Variants in EXOC6 observed in about 807,000 individuals in gnomAD.
EXOC6 encodes SEC15-like 1.
EXOC6 carries 60 observed loss-of-function variants against 112.5 expected under a neutral mutation model. The ratio of observed to expected loss-of-function variants is 0.53; its 90% CI spans 0.43 to 0.66. The LOEUF (loss-of-function observed/expected upper bound fraction) is 0.66, where lower values mean the gene tolerates loss of function less well. EXOC6 is among the 30% of genes least tolerant of loss of function. The pLI is 0.00. For missense variants in EXOC6, 855 were observed against 957.1 expected, an observed-to-expected ratio of 0.89 and a Z score of 1.41; for synonymous variants, 295 against 308.0, an observed-to-expected ratio of 0.96 and a Z score of 0.44.
chr10:92,865,019 T>C (rs1848110058), intron 1 of EXOC6, among the ~76,000 whole-genome samples: 2 of 152,234 alleles, frequency 1.3e-5, no homozygotes, highest in African/African-American at 4.8e-5. Flanking sequence ...TCATCATTGC[T>C]GTTTTCACAT....
At chr10:92,977,410 C>G (rs1842667631) in intron 18 of EXOC6, among the ~76,000 whole-genome samples, 1 of 152,062 alleles carries the variant, frequency 6.6e-6, no homozygotes, top group African/African-American at 2.4e-5. Context: ...CATCATGGAT[C>G]TGGGCCAGAG....
intron 20 of EXOC6, among the ~76,000 whole-genome samples, chr10:93,038,079 A>G (rs1164427808): frequency 1.3e-5 from 2 of 149,082 alleles, no homozygotes; most frequent in Non-Finnish European, 3.0e-5. Context: ...TTTCTCTAAT[A>G]AATTTTTTTT....
At chr10:92,831,627 G>A (rs1467350600), upstream of EXOC6, among the ~76,000 whole-genome samples, 3 of 151,892 alleles carry the variant, frequency 2.0e-5, no homozygotes, top group Non-Finnish European at 4.4e-5. Context: ...TAGAGATGGG[G>A]TTTCACCATG....
At chr10:92,830,662 C>A (rs930297627), upstream of EXOC6, among the ~76,000 whole-genome samples, 6 of 152,124 alleles carry the variant, frequency 3.9e-5, no homozygotes, top group African/African-American at 1.4e-4. Flanking sequence ...GTAGCACCAC[C>A]CACCTCCCAC....
At chr10:92,912,533 T>A (rs1216122945) in intron 6 of EXOC6, among the ~76,000 whole-genome samples, 1 of 152,156 alleles carries the variant, frequency 6.6e-6, no homozygotes, top group East Asian at 1.9e-4. Flanking sequence ...GATGGTCACA[T>A]GGGGATGAAG....
At position 92,982,163 on chromosome 10, in the gene EXOC6, G is replaced by C. The variant is rs560433372; in HGVS notation, c.1953+7931G>C. Among the ~76,000 whole-genome samples the C allele has an allele frequency of 5.9e-5, 9 of 152,188 alleles. No homozygotes were observed. The East Asian group carries it at 1.5e-3, about 26-fold the overall frequency. On this transcript the variant is annotated intron_variant, in intron 18 of 21. Transcript: ENST00000260762. ...CAGACATGATCTTTAGTAATAATATGAATTTACTGTTGGCATATGGTTCTC... is the reference window on the plus strand; with the variant it reads ...CAGACATGATCTTTAGTAATAATATCAATTTACTGTTGGCATATGGTTCTC...
At chr10:92,848,273 G>A (rs1411163802), upstream of EXOC6, among the ~76,000 whole-genome samples, 2 of 152,150 alleles carry the variant, frequency 1.3e-5, no homozygotes, top group Non-Finnish European at 2.9e-5. Flanking sequence ...CGCCCAGGAG[G>A]GACTAGTCGC....
At chr10:92,917,784 TCTCA>T (rs772057666) in intron 7 of EXOC6, among the ~76,000 whole-genome samples, 2 of 152,158 alleles carry the variant, frequency 1.3e-5, no homozygotes, top group Non-Finnish European at 2.9e-5. Flanking sequence ...CAAATTATCC[TCTCA>T]CTCAGCCTTC....
At chr10:93,008,751 G>A (rs1844109431) in intron 19 of EXOC6, among the ~76,000 whole-genome samples, 1 of 152,274 alleles carries the variant, frequency 6.6e-6, no homozygotes, top group Non-Finnish European at 1.5e-5. Context: ...CAGGTATGGT[G>A]TATGTAACTA....
intron 9 of EXOC6, among the ~76,000 whole-genome samples, chr10:92,932,188 T>G (rs1852076205): frequency 1.3e-5 from 2 of 152,256 alleles, no homozygotes; most frequent in South Asian, 4.1e-4. Flanking sequence ...TGAAAAAAAT[T>G]CATATGCAGT....
At chr10:93,032,581 A>G (rs1218267315) in intron 20 of EXOC6, among the ~76,000 whole-genome samples, 1 of 152,184 alleles carries the variant, frequency 6.6e-6, no homozygotes, top group African/African-American at 2.4e-5. Context: ...CAGATCACCA[A>G]GAGCTGCCGT....
chr10:92,861,598 T>C (rs1484204358), intron 1 of EXOC6, among the ~76,000 whole-genome samples: 1 of 152,076 alleles, frequency 6.6e-6, no homozygotes, highest in African/African-American at 2.4e-5. Flanking sequence ...GCCTGTCCTT[T>C]CTTTGGCTCT....
intron 18 of EXOC6, among the ~76,000 whole-genome samples, chr10:92,995,288 C>T (rs1246605935): frequency 6.6e-6 from 1 of 152,054 alleles, no homozygotes; most frequent in Non-Finnish European, 1.5e-5. Context: ...CTCTTACCAT[C>T]GTTTTCAGCT....
intron 20 of EXOC6, among the ~76,000 whole-genome samples, chr10:93,037,158 T>C (rs1845551399): frequency 6.6e-6 from 1 of 151,924 alleles, no homozygotes; most frequent in African/African-American, 2.4e-5. Flanking sequence ...TTTTTTTTTT[T>C]TTTGGAGACA....
At chr10:92,956,224 A>C (rs375312283) in intron 17 of EXOC6, among the ~76,000 whole-genome samples, 1 of 152,130 alleles carries the variant, frequency 6.6e-6, no homozygotes, top group African/African-American at 2.4e-5. Flanking sequence ...TTTTAGGTAG[A>C]ATGTAAGATT....
At chr10:92,858,029 CTCCGCCG>C (rs1417368628) in intron 1 of EXOC6, among the ~76,000 whole-genome samples, 1 of 136,006 alleles carries the variant, frequency 7.4e-6, no homozygotes, top group African/African-American at 2.8e-5. Flanking sequence ...GGTTCCCCCC[CTCCGCCG>C]GCCAGCAGTT....
chr10:92,937,303 G>T (rs978229466), intron 12 of EXOC6, among the ~76,000 whole-genome samples: 1 of 152,132 alleles, frequency 6.6e-6, no homozygotes, highest in East Asian at 1.9e-4. Context: ...AAACTTTTCT[G>T]AGAGCAAATT....
intron 20 of EXOC6, among the ~76,000 whole-genome samples, chr10:93,041,142 T>C (rs1226993059): frequency 1.3e-5 from 2 of 152,216 alleles, no homozygotes; most frequent in African/African-American, 2.4e-5. Flanking sequence ...CACTTTGCCA[T>C]GTCCTGGACA....
chr10:92,918,375 T>C (rs1186380658), intron 7 of EXOC6, among the ~76,000 whole-genome samples: 1 of 152,050 alleles, frequency 6.6e-6, no homozygotes, highest in Non-Finnish European at 1.5e-5. Flanking sequence ...ATGACTGCAT[T>C]TGTGAATGGG....
Sources: gnomAD v4.1 joint callset for allele counts (sites outside exome capture counted in the v4.1 genomes callset) on GRCh38, gnomAD v4.1.1 for gene constraint, MANE v1.5 for transcripts, NCBI Gene and HGNC (gene_info 2026-07-23, HGNC 2026-07-21) for gene names.